Variants in KCNQ3 observed in about 807,000 individuals in gnomAD.
KCNQ3 encodes the protein potassium voltage-gated channel subfamily Q member 3, also known as potassium voltage-gated channel subfamily KQT member 3.
Under a neutral mutation model 92.5 loss-of-function variants are expected in KCNQ3, and 30 were observed. That is an observed-to-expected ratio of 0.32 (90% CI 0.24 to 0.44). The LOEUF (loss-of-function observed/expected upper bound fraction) is 0.44. Among genes scored for constraint, KCNQ3 ranks in the 20% least tolerant of loss-of-function variants. KCNQ3 has a pLI of 1.00. For synonymous variants in KCNQ3, 450 were observed against 468.8 expected (o/e 0.96, Z 0.52); for missense variants, 913 against 1,140.3 (o/e 0.80, Z 2.87).
At chr8:132,141,073 T>G in intron 10 of KCNQ3, 56 bp downstream of exon 10, 1 of 1,508,740 alleles carries the variant, frequency 6.6e-7, no homozygotes, top group South Asian at 1.1e-5. Context: ...AGGAAGGAAG[T>G]GGACTTGGGG....
intron 1 of KCNQ3, among the ~76,000 whole-genome samples, chr8:132,421,044 G>T (rs915648001): frequency 2.6e-5 from 4 of 152,214 alleles, no homozygotes; most frequent in African/African-American, 9.6e-5. Flanking sequence ...GGAGGAGTTT[G>T]AGCAGGGGAT....
chr8:132,139,928 C>T, intron 11 of KCNQ3, 148 bp downstream of exon 11: 1 of 614,684 alleles, frequency 1.6e-6, no homozygotes, highest in Admixed American at 2.9e-5. Flanking sequence ...ACAGTATTTA[C>T]ATACTTCAGG....
chr8:132,448,502 G>GAAAAAAAAAAAAAAAAGAAA (rs1821741266), intron 1 of KCNQ3, among the ~76,000 whole-genome samples: 1 of 93,884 alleles, frequency 1.1e-5, no homozygotes, highest in South Asian at 4.0e-4. Context: ...GGAGAAATAT[G>GAAAAAAAAAAAAAAAAGAAA]AAAAAAAAAA....
intron 9 of KCNQ3, among the ~76,000 whole-genome samples, chr8:132,158,969 CTGTTCAGATTGA>C (rs997060016): frequency 6.6e-6 from 1 of 152,146 alleles, no homozygotes; most frequent in African/African-American, 2.4e-5. Flanking sequence ...CTGAAGGCTG[CTGTTCAGATTGA>C]ATTGGTAGAA....
At chr8:132,164,604 G>A (rs1240499154) in intron 8 of KCNQ3, among the ~76,000 whole-genome samples, 2 of 152,106 alleles carry the variant, frequency 1.3e-5, no homozygotes, top group African/African-American at 4.8e-5. Context: ...AAAGTGATGA[G>A]TTAGTTGATC....
intron 1 of KCNQ3, among the ~76,000 whole-genome samples, chr8:132,474,797 G>A (rs993223639): frequency 3.3e-5 from 5 of 152,064 alleles, no homozygotes; most frequent in East Asian, 3.9e-4. Flanking sequence ...AATCAAATGC[G>A]AGGTACAAAA....
chr8:132,317,114 C>A (rs1011720708), intron 1 of KCNQ3, among the ~76,000 whole-genome samples: 3 of 152,124 alleles, frequency 2.0e-5, no homozygotes, highest in African/African-American at 7.2e-5. Flanking sequence ...TCATGCCCTA[C>A]CAAAGCAATT....
At chr8:132,360,034 C>T (rs890361198) in intron 1 of KCNQ3, among the ~76,000 whole-genome samples, 8 of 152,342 alleles carry the variant, frequency 5.3e-5, no homozygotes, top group African/African-American at 1.9e-4. Context: ...ACTTCTGGTT[C>T]TCACTTCTCC....
At chr8:132,429,754 G>A (rs1463938610) in intron 1 of KCNQ3, among the ~76,000 whole-genome samples, 4 of 151,720 alleles carry the variant, frequency 2.6e-5, no homozygotes, top group African/African-American at 7.3e-5. Context: ...CCAGCTATTC[G>A]GGAGGCTGAG....
chr8:132,224,215 T>C (rs1196998127), intron 1 of KCNQ3, among the ~76,000 whole-genome samples: 2 of 150,860 alleles, frequency 1.3e-5, no homozygotes, highest in East Asian at 3.9e-4. Flanking sequence ...AAATTCTAGA[T>C]GTGAGCCTCT....
chr8:132,365,904 C>A (rs961997873), intron 1 of KCNQ3, among the ~76,000 whole-genome samples: 1 of 151,984 alleles, frequency 6.6e-6, no homozygotes, highest in Admixed American at 6.6e-5. Context: ...GTAGAGCATG[C>A]CTGTAAGTCC....
At chr8:132,473,407 C>T (rs1249852022) in intron 1 of KCNQ3, among the ~76,000 whole-genome samples, 1 of 152,112 alleles carries the variant, frequency 6.6e-6, no homozygotes, top group Non-Finnish European at 1.5e-5. Flanking sequence ...GGACGTTGAC[C>T]AGATGACCAA....
intron 1 of KCNQ3, among the ~76,000 whole-genome samples, chr8:132,372,417 A>G (rs1015022988): frequency 6.6e-6 from 1 of 152,076 alleles, no homozygotes; most frequent in Non-Finnish European, 1.5e-5. Context: ...ACACCTTATT[A>G]ATACTACTCC....
intron 1 of KCNQ3, among the ~76,000 whole-genome samples, chr8:132,352,333 G>A (rs190637655): frequency 2.0e-5 from 3 of 152,294 alleles, no homozygotes; most frequent in East Asian, 1.9e-4. Flanking sequence ...GGTTGTCACA[G>A]GTGGGTGGGG....
chr8:132,331,986 C>A (rs986157479), intron 1 of KCNQ3, among the ~76,000 whole-genome samples: 14 of 152,228 alleles, frequency 9.2e-5, no homozygotes, highest in Non-Finnish European at 1.8e-4. Context: ...CTGACAGTCA[C>A]ACCCTTGTGC....
chr8:132,329,703 C>T (rs1343282846), intron 1 of KCNQ3, among the ~76,000 whole-genome samples: 1 of 152,196 alleles, frequency 6.6e-6, no homozygotes, highest in Admixed American at 6.5e-5. Flanking sequence ...CACTCGGTCC[C>T]TCCCAGATCT....
At chr8:132,202,753 G>C (rs941402016) in intron 1 of KCNQ3, among the ~76,000 whole-genome samples, 5 of 152,012 alleles carry the variant, frequency 3.3e-5, no homozygotes, top group African/African-American at 1.2e-4. Context: ...TTACAATCTC[G>C]GCTCACTGCA....
intron 1 of KCNQ3, among the ~76,000 whole-genome samples, chr8:132,307,065 A>C (rs1464918304): frequency 6.6e-6 from 1 of 152,232 alleles, no homozygotes; most frequent in African/African-American, 2.4e-5. Context: ...TCAGCCACCT[A>C]GCTATGGAAT....
At chr8:132,216,851 T>C (rs1814047350) in intron 1 of KCNQ3, among the ~76,000 whole-genome samples, 1 of 152,238 alleles carries the variant, frequency 6.6e-6, no homozygotes, top group African/African-American at 2.4e-5. Flanking sequence ...ATATGTTCAA[T>C]GGGCAAGAAG....
Sources: gnomAD v4.1 joint callset for allele counts (sites outside exome capture counted in the v4.1 genomes callset) on GRCh38, gnomAD v4.1.1 for gene constraint, MANE v1.5 for transcripts, NCBI Gene and HGNC (gene_info 2026-07-23, HGNC 2026-07-21) for gene names.